The following LRMDA variants were observed in gnomAD, a reference collection of about 807,000 sequenced individuals.
LRMDA encodes leucine rich melanocyte differentiation associated.
In LRMDA, 18 loss-of-function variants were observed where a neutral mutation model predicts 29.8. That is an observed-to-expected ratio of 0.60 (90% CI 0.42 to 0.90). LRMDA has a LOEUF of 0.90. Among genes scored for constraint, LRMDA ranks in the 40% least tolerant of loss-of-function variants. The probability of loss-of-function intolerance (pLI) is 0.00; values close to 1 mark genes in which losing one functional copy is unlikely to be tolerated. For missense variants in LRMDA, 273 were observed against 273.9 expected, an observed-to-expected ratio of 1.00 and a Z score of 0.02; for synonymous variants, 125 against 109.4, an observed-to-expected ratio of 1.14 and a Z score of -0.89.
chr10:76,069,714 G>T (rs545860096), intron 5 of LRMDA, among the ~76,000 whole-genome samples: 1 of 148,766 alleles, frequency 6.7e-6, no homozygotes, highest in East Asian at 2.0e-4. Flanking sequence ...TTTTTTTGTT[G>T]AGCATTTTGA....
At position 75,561,548 on chromosome 10, in the gene LRMDA, T is replaced by G. The variant is rs1393739244; in HGVS notation, c.131+123054T>G. ...TATTTCCTTCAGTTCTGCTCTGATT[T>G]TAGTTATTTCTTGCCTTCTGCTAGC... On this transcript the variant is annotated intron_variant, in intron 2 of 6. Coordinates refer to ENST00000611255, the MANE Select transcript of LRMDA (RefSeq NM_001305581.2). Among the ~76,000 whole-genome samples the G allele has an allele frequency of 2.0e-5, 3 of 151,960 alleles. No homozygotes were observed. In the South Asian group the frequency reaches 6.3e-4, roughly 32 times the overall value.
intron 5 of LRMDA, among the ~76,000 whole-genome samples, chr10:76,312,908 G>A (rs1423780023): frequency 2.0e-5 from 3 of 151,992 alleles, no homozygotes; most frequent in Non-Finnish European, 4.4e-5. Flanking sequence ...TACCTCTCAA[G>A]AAACTTAAAG....
At chr10:75,652,658 G>A (rs1039359551) in intron 2 of LRMDA, among the ~76,000 whole-genome samples, 23 of 152,238 alleles carry the variant, frequency 1.5e-4, no homozygotes, top group South Asian at 4.2e-4. Flanking sequence ...AGTGTCTTCC[G>A]GTGAGTTCCT....
intron 2 of LRMDA, among the ~76,000 whole-genome samples, chr10:75,735,001 A>G (rs1434997669): frequency 6.6e-6 from 1 of 152,048 alleles, no homozygotes. Context: ...CATTCGCTCT[A>G]ATTTACTTAT....
At chr10:76,296,255 C>CCTT (rs1176925800) in intron 5 of LRMDA, among the ~76,000 whole-genome samples, 21 of 152,230 alleles carry the variant, frequency 1.4e-4, no homozygotes, top group African/African-American at 4.6e-4. Context: ...TCTTCTAAAC[C>CCTT]CTAATAACCC....
intron 2 of LRMDA, among the ~76,000 whole-genome samples, chr10:75,757,881 C>A (rs557388695): frequency 1.3e-5 from 2 of 150,880 alleles, no homozygotes; most frequent in Non-Finnish European, 1.5e-5. Context: ...CTCACTGCAA[C>A]CTCCACCTCC....
intron 6 of LRMDA, among the ~76,000 whole-genome samples, chr10:76,454,582 G>A (rs1178260957): frequency 6.6e-6 from 1 of 152,082 alleles, no homozygotes; most frequent in African/African-American, 2.4e-5. Context: ...ATTTGGGTCT[G>A]CATTCGCTCA....
chr10:76,476,020 G>C (rs1312733013), intron 6 of LRMDA, among the ~76,000 whole-genome samples: 1 of 152,086 alleles, frequency 6.6e-6, no homozygotes, highest in Non-Finnish European at 1.5e-5. Context: ...ACATTCAAAA[G>C]CTAGCAGAAG....
intron 5 of LRMDA, among the ~76,000 whole-genome samples, chr10:76,157,847 A>G (rs538476669): frequency 2.6e-5 from 4 of 152,270 alleles, no homozygotes; most frequent in African/African-American, 7.2e-5. Flanking sequence ...ACAAACCTAG[A>G]TGGTATAGCA....
intron 2 of LRMDA, among the ~76,000 whole-genome samples, chr10:75,889,488 T>G (rs1845446867): frequency 6.6e-6 from 1 of 152,242 alleles, no homozygotes. Context: ...GGTATTGCAC[T>G]GTCAGTAACA....
intron 2 of LRMDA, among the ~76,000 whole-genome samples, chr10:75,758,203 C>T (rs1248215577): frequency 1.3e-5 from 2 of 152,192 alleles, no homozygotes; most frequent in East Asian, 1.9e-4. Flanking sequence ...AGGGGGGTGA[C>T]GGGAGTGCCG....
chr10:76,031,015 G>C (rs1848139510), intron 2 of LRMDA, among the ~76,000 whole-genome samples: 1 of 152,194 alleles, frequency 6.6e-6, no homozygotes, highest in Non-Finnish European at 1.5e-5. Context: ...GGTGGGGGGA[G>C]TATAGGAGAG....
At chr10:76,114,371 A>G (rs1849630082) in intron 5 of LRMDA, among the ~76,000 whole-genome samples, 1 of 152,158 alleles carries the variant, frequency 6.6e-6, no homozygotes. Flanking sequence ...ATGGAAACAA[A>G]CATAACAACA....
chr10:76,021,376 A>G (rs910746186), intron 2 of LRMDA, among the ~76,000 whole-genome samples: 7 of 152,196 alleles, frequency 4.6e-5, no homozygotes, highest in Non-Finnish European at 1.0e-4. Flanking sequence ...TTAGAAGGTG[A>G]TAGGAATAAA....
intron 2 of LRMDA, among the ~76,000 whole-genome samples, chr10:75,938,920 A>G (rs1034611524): frequency 6.6e-6 from 1 of 152,214 alleles, no homozygotes; most frequent in Non-Finnish European, 1.5e-5. Flanking sequence ...CCTAACAAAT[A>G]TTGATCCTCT....
At chr10:76,393,860 A>T (rs2132487137) in intron 6 of LRMDA, among the ~76,000 whole-genome samples, 1 of 151,976 alleles carries the variant, frequency 6.6e-6, no homozygotes, top group South Asian at 2.1e-4. Flanking sequence ...TAAGGGTCTA[A>T]TTTTTTTCTT....
intron 2 of LRMDA, among the ~76,000 whole-genome samples, chr10:75,651,897 A>C (rs1168623066): frequency 6.6e-6 from 1 of 152,204 alleles, no homozygotes; most frequent in East Asian, 1.9e-4. Context: ...CTTCCATCAC[A>C]CAGTATTGCT....
chr10:75,686,203 G>C (rs925872097), intron 2 of LRMDA, among the ~76,000 whole-genome samples: 1 of 152,192 alleles, frequency 6.6e-6, no homozygotes, highest in African/African-American at 2.4e-5. Context: ...TGATGTGATT[G>C]TACCAGCTGG....
intron 2 of LRMDA, among the ~76,000 whole-genome samples, chr10:75,688,738 A>G (rs1214960559): frequency 1.3e-5 from 2 of 152,154 alleles, no homozygotes; most frequent in Non-Finnish European, 2.9e-5. Flanking sequence ...GGAAGTTGAT[A>G]TGGCAATCTT....
Sources: gnomAD v4.1 joint callset for allele counts (sites outside exome capture counted in the v4.1 genomes callset) on GRCh38, gnomAD v4.1.1 for gene constraint, MANE v1.5 for transcripts, NCBI Gene and HGNC (gene_info 2026-07-23, HGNC 2026-07-21) for gene names.